The following NUP160 variants were observed in gnomAD, a reference collection of about 807,000 sequenced individuals.
The protein encoded by NUP160 is nuclear pore complex protein Nup160.
In NUP160, 94 loss-of-function variants were observed where a neutral mutation model predicts 196.9. The ratio of observed to expected loss-of-function variants is 0.48; its 90% CI spans 0.40 to 0.57. The LOEUF (loss-of-function observed/expected upper bound fraction) is 0.57. NUP160 is among the 20% of genes least tolerant of loss of function. NUP160 has a pLI of 0.00. For missense variants in NUP160, 1,638 were observed against 1,748.3 expected (o/e 0.94, Z 1.13); for synonymous variants, 605 against 619.7 (o/e 0.98, Z 0.35).
chr11:47,844,888 T>C (rs543523000), intron 2 of NUP160, among the ~76,000 whole-genome samples: 6 of 152,064 alleles, frequency 3.9e-5, no homozygotes, highest in Non-Finnish European at 8.8e-5. Flanking sequence ...CAGGTTGCAA[T>C]AAAGGAGCAA....
exon 13 of NUP160, chr11:47,815,541 G>C: frequency 6.2e-7 from 1 of 1,612,006 alleles, no homozygotes; most frequent in Non-Finnish European, 8.5e-7. Context: ...GGGTGAGAGA[G>C]GGCTTCTTGA....
intron 7 of NUP160, among the ~76,000 whole-genome samples, chr11:47,823,692 G>A (rs1410565781): frequency 6.6e-6 from 1 of 151,698 alleles, no homozygotes; most frequent in Non-Finnish European, 1.5e-5. Flanking sequence ...CTGTCACCAC[G>A]CCTGGCTAAT....
At chr11:47,836,744 A>C in intron 6 of NUP160, 143 bp downstream of exon 6, 1 of 535,502 alleles carries the variant, frequency 1.9e-6, no homozygotes, top group Non-Finnish European at 3.4e-6. Context: ...ATAAAGCTAA[A>C]TGAAACTGTC....
exon 8 of NUP160, chr11:47,822,095 T>C (rs142695505): frequency 4.1e-5 from 66 of 1,603,960 alleles, no homozygotes; most frequent in Non-Finnish European, 5.4e-5. Context: ...ACCTGAGAAG[T>C]GAACAGTGAA....
chr11:47,847,923 C>A, exon 2 of NUP160: 2 of 1,614,182 alleles, frequency 1.2e-6, no homozygotes, highest in East Asian at 2.2e-5. Flanking sequence ...CGCGCTTTCA[C>A]TGTATTTTAC....
chr11:47,815,589 CTTG>C (rs774707681), exon 13 of NUP160: 19 of 1,612,782 alleles, frequency 1.2e-5, no homozygotes, highest in Admixed American at 1.7e-5. Flanking sequence ...CACCAGAATT[CTTG>C]TTGTAAATTT....
intron 2 of NUP160, chr11:47,841,773 G>C (rs913802971): frequency 5.5e-6 from 1 of 180,948 alleles, no homozygotes; most frequent in Non-Finnish European, 1.2e-5. Flanking sequence ...CTACAGCCTC[G>C]AACTCCTGGG....
chr11:47,797,834 G>T lies in NUP160; in HGVS notation c.3234C>A (p.His1078Gln). 1.2e-6 allele frequency: 2 copies of T among 1,613,050 alleles called. No individual in the cohort carries two copies. The highest frequency in any genetic ancestry group is 1.7e-6 in the Non-Finnish European group (2 of 1,179,884). The change falls in exon 27 of 36, where the codon CAC becomes CAA. Residue 1078 changes from histidine (H) to glutamine (Q), a missense_variant. By Grantham distance (24) the His-to-Gln change is conservative. Coordinates refer to ENST00000378460, the Ensembl canonical transcript of NUP160. The stretch of plus-strand genomic sequence containing the variant: ...AGGCATACAGAAGTTCATAGTAATT[G>T]TGAGTCATAAGGTCCACAGCTCTAG...
chr11:47,794,087 A>T (rs994117392), intron 27 of NUP160, among the ~76,000 whole-genome samples: 17 of 152,164 alleles, frequency 1.1e-4, no homozygotes, highest in African/African-American at 3.9e-4. Context: ...GTTGGGAGGA[A>T]CAAGTAGTTG....
intron 4 of NUP160, among the ~76,000 whole-genome samples, chr11:47,838,633 G>T (rs902502124): frequency 1.0e-5 from 1 of 98,432 alleles, no homozygotes; most frequent in Non-Finnish European, 2.0e-5. Flanking sequence ...ACTTGAACCT[G>T]GGGGGGGCGG....
chr11:47,782,305 TATATATATATATA>T (rs1471237425), intron 34 of NUP160, among the ~76,000 whole-genome samples: 2 of 10,568 alleles, frequency 1.9e-4, no homozygotes, highest in African/African-American at 1.1e-3. Context: ...AAAAAAAAAA[TATATATATATATA>T]TATATATATA....
chr11:47,793,722 GTTTTTTTTTTTTTTT>G (rs750497969), intron 27 of NUP160, among the ~76,000 whole-genome samples: 82 of 87,682 alleles, frequency 9.4e-4, no homozygotes, highest in African/African-American at 2.0e-3. Flanking sequence ...TAAGATATCT[GTTTTTTTTTTTTTTT>G]TTTTTTTTTT....
exon 18 of NUP160, chr11:47,808,402 T>C: frequency 1.2e-6 from 2 of 1,612,310 alleles, no homozygotes; most frequent in Non-Finnish European, 1.7e-6. Flanking sequence ...TCACAGTGTG[T>C]CAAGTGGAAC....
At chr11:47,833,972 CTG>C (rs1852123453) in intron 7 of NUP160, among the ~76,000 whole-genome samples, 1 of 152,188 alleles carries the variant, frequency 6.6e-6, no homozygotes, top group South Asian at 2.1e-4. Flanking sequence ...TATCTTTTCA[CTG>C]TAATACATTT....
intron 27 of NUP160, among the ~76,000 whole-genome samples, chr11:47,796,946 G>A (rs751294126): frequency 3.9e-5 from 6 of 152,184 alleles, no homozygotes; most frequent in Non-Finnish European, 8.8e-5. Flanking sequence ...ACCTGCCTCA[G>A]CCTCCTCAAG....
chr11:47,788,582 C>T (rs1408609272), exon 30 of NUP160: 1 of 1,613,828 alleles, frequency 6.2e-7, no homozygotes, highest in African/African-American at 1.3e-5. Context: ...TCCAGATCTT[C>T]CAGTTCCAGG....
intron 16 of NUP160, 27 bp downstream of exon 16, chr11:47,812,275 A>G: frequency 6.2e-7 from 1 of 1,613,754 alleles, no homozygotes; most frequent in Non-Finnish European, 8.5e-7. Flanking sequence ...TTAATCAAAG[A>G]GGCACATTTG....
chr11:47,808,605 G>A, intron 17 of NUP160, 76 bp from the exon 18 acceptor site: 4 of 1,235,398 alleles, frequency 3.2e-6, no homozygotes, highest in South Asian at 1.5e-5. Context: ...CTCAGGTGGA[G>A]GTAAAATAAA....
intron 1 of NUP160, 94 bp from the exon 2 acceptor site, chr11:47,848,053 C>A: frequency 7.9e-7 from 1 of 1,268,388 alleles, no homozygotes; most frequent in South Asian, 1.2e-5. Flanking sequence ...AGACTGACAA[C>A]CCATACAAAG....
Sources: gnomAD v4.1 joint callset for allele counts (sites outside exome capture counted in the v4.1 genomes callset) on GRCh38, gnomAD v4.1.1 for gene constraint, MANE v1.5 for transcripts, NCBI Gene and HGNC (gene_info 2026-07-23, HGNC 2026-07-21) for gene names.